Variants in GRIA2 observed in about 807,000 individuals in gnomAD.
The protein encoded by GRIA2 is glutamate ionotropic receptor AMPA type subunit 2, also known as glutamate receptor 2.
Under a neutral mutation model 97.3 loss-of-function variants are expected in GRIA2, and 14 were observed. The ratio of observed to expected loss-of-function variants is 0.14; its 90% CI spans 0.10 to 0.23. The LOEUF is 0.23. GRIA2 is among the 10% of genes least tolerant of loss of function. The pLI is 1.00. For synonymous variants in GRIA2, 412 were observed against 387.8 expected, an observed-to-expected ratio of 1.06 and a Z score of -0.73; for missense variants, 558 against 1,069.8, an observed-to-expected ratio of 0.52 and a Z score of 6.67.
intron 2 of GRIA2, among the ~76,000 whole-genome samples, chr4:157,261,272 A>C (rs1349073933): frequency 2.6e-5 from 4 of 152,096 alleles, no homozygotes; most frequent in Non-Finnish European, 5.9e-5. Flanking sequence ...TATATTTTTT[A>C]AATCTTTGTA....
chr4:157,246,003 A>AT (rs1377328752), intron 2 of GRIA2, among the ~76,000 whole-genome samples: 4 of 152,064 alleles, frequency 2.6e-5, no homozygotes, highest in African/African-American at 4.8e-5. Context: ...TTTTTTTCTG[A>AT]TAAAAAAAAC....
intron 2 of GRIA2, among the ~76,000 whole-genome samples, chr4:157,264,727 C>A (rs1050958742): frequency 1.3e-5 from 2 of 152,030 alleles, no homozygotes; most frequent in African/African-American, 2.4e-5. Context: ...ATCAGGAAAG[C>A]AGGTTGCTAG....
chr4:157,300,418 AG>A (rs1435551715), intron 2 of GRIA2, among the ~76,000 whole-genome samples: 1 of 152,124 alleles, frequency 6.6e-6, no homozygotes, highest in African/African-American at 2.4e-5. Context: ...ACCTTAGTTT[AG>A]GTAAGCATTC....
chr4:157,246,276 C>G (rs1304666432), intron 2 of GRIA2, among the ~76,000 whole-genome samples: 2 of 151,926 alleles, frequency 1.3e-5, no homozygotes, highest in African/African-American at 4.8e-5. Context: ...TTTCTCTTGG[C>G]CTTAGTTACT....
intron 4 of GRIA2, among the ~76,000 whole-genome samples, chr4:157,313,111 T>C (rs1480332506): frequency 6.6e-6 from 1 of 152,178 alleles, no homozygotes; most frequent in Non-Finnish European, 1.5e-5. Flanking sequence ...AAATAATTCC[T>C]GACTTTTATG....
intron 2 of GRIA2, among the ~76,000 whole-genome samples, chr4:157,301,904 G>T (rs1039430590): frequency 6.6e-6 from 1 of 152,014 alleles, no homozygotes; most frequent in Non-Finnish European, 1.5e-5. Flanking sequence ...GCCAGGCATG[G>T]TGGCTCATGC....
intron 6 of GRIA2, among the ~76,000 whole-genome samples, chr4:157,329,912 TCA>T (rs1191089390): frequency 6.6e-6 from 1 of 151,918 alleles, no homozygotes; most frequent in African/African-American, 2.4e-5. Flanking sequence ...TACCTCGGAA[TCA>T]CAGAGATCTG....
At chr4:157,333,672 A>G (rs1735159119) in intron 8 of GRIA2, among the ~76,000 whole-genome samples, 1 of 152,050 alleles carries the variant, frequency 6.6e-6, no homozygotes, top group Non-Finnish European at 1.5e-5. Context: ...GCTGGTGCAA[A>G]TACACATGTA....
At chr4:157,240,895 T>C (rs1017206975) in intron 2 of GRIA2, among the ~76,000 whole-genome samples, 1 of 151,088 alleles carries the variant, frequency 6.6e-6, no homozygotes, top group Non-Finnish European at 1.5e-5. Context: ...GAGTGTGATG[T>C]TCCCCTTCCT....
chr4:157,231,131 T>G (rs1439768289), intron 2 of GRIA2, among the ~76,000 whole-genome samples: 1 of 152,096 alleles, frequency 6.6e-6, no homozygotes, highest in East Asian at 1.9e-4. Flanking sequence ...CCTCCGCCTC[T>G]GGGTTCAAGC....
chr4:157,317,505 T>A (rs554348676), intron 4 of GRIA2, among the ~76,000 whole-genome samples, 153 bp from the exon 5 acceptor site: 31 of 152,184 alleles, frequency 2.0e-4, no homozygotes, highest in Non-Finnish European at 4.4e-4. Context: ...CTAATTTTGA[T>A]AATTATATTT....
At chr4:157,338,004 ATGTG>A (rs1261309889) in intron 11 of GRIA2, among the ~76,000 whole-genome samples, 5 of 107,448 alleles carry the variant, frequency 4.7e-5, no homozygotes, top group Admixed American at 4.2e-4. Flanking sequence ...GTGTATATAT[ATGTG>A]TATATATATA....
At chr4:157,234,528 T>C (rs1730159034) in intron 2 of GRIA2, among the ~76,000 whole-genome samples, 1 of 152,110 alleles carries the variant, frequency 6.6e-6, no homozygotes, top group South Asian at 2.1e-4. Flanking sequence ...TTAAAAAATG[T>C]AGATGATGGT....
In GRIA2 at chr4:157,282,876, C is replaced by T. The variant is rs1043412467; in HGVS notation, c.230-20676C>T. 4.0e-4 allele frequency among the ~76,000 whole-genome samples: 61 copies of T among 152,032 alleles called. 1 individual carries two copies. The highest frequency in any genetic ancestry group is 2.9e-5 in the Non-Finnish European group (2 of 67,998). On this transcript the variant is annotated intron_variant, in intron 2 of 15. Transcript: ENST00000264426. ...GACATCCAAAAGAATGCACTGATTT[C>T]ACAAAAATATAATGAAACAAACTGG...
chr4:157,271,160 G>A (rs918870014), intron 2 of GRIA2, among the ~76,000 whole-genome samples: 7 of 151,592 alleles, frequency 4.6e-5, no homozygotes, highest in South Asian at 2.1e-4. Context: ...CAATCAACTC[G>A]GAAGTCTTCT....
chr4:157,344,321 C>G (rs921411165), intron 12 of GRIA2, among the ~76,000 whole-genome samples: 3 of 151,974 alleles, frequency 2.0e-5, no homozygotes, highest in African/African-American at 7.2e-5. Flanking sequence ...CACCACAGGT[C>G]TTGGGTTCAT....
chr4:157,264,555 C>T (rs1731683304), intron 2 of GRIA2, among the ~76,000 whole-genome samples: 1 of 152,056 alleles, frequency 6.6e-6, no homozygotes. Context: ...TCATTAGTAG[C>T]TTTAATTCTA....
intron 2 of GRIA2, among the ~76,000 whole-genome samples, chr4:157,236,816 G>A (rs959298534): frequency 2.9e-4 from 44 of 152,022 alleles, no homozygotes; most frequent in African/African-American, 1.1e-3. Flanking sequence ...TCCTTTGCCC[G>A]ATTTTCTTTT....
At chr4:157,279,960 A>ATTT (rs1732521209) in intron 2 of GRIA2, among the ~76,000 whole-genome samples, 1 of 152,108 alleles carries the variant, frequency 6.6e-6, no homozygotes, top group Non-Finnish European at 1.5e-5. Flanking sequence ...CCCCGTCTCT[A>ATTT]CTAAAAATAC....
Sources: gnomAD v4.1 joint callset for allele counts (sites outside exome capture counted in the v4.1 genomes callset) on GRCh38, gnomAD v4.1.1 for gene constraint, MANE v1.5 for transcripts, NCBI Gene and HGNC (gene_info 2026-07-23, HGNC 2026-07-21) for gene names.